Variants in CACNG5 observed in about 807,000 individuals in gnomAD.
The protein encoded by CACNG5 is calcium voltage-gated channel auxiliary subunit gamma 5.
CACNG5 carries 18 observed loss-of-function variants against 24.8 expected under a neutral mutation model. The ratio of observed to expected loss-of-function variants is 0.73; its 90% CI spans 0.50 to 1.08. The LOEUF is 1.08. Among genes scored for constraint, CACNG5 ranks in the 50% least tolerant of loss-of-function variants. The pLI is 0.00. For synonymous variants in CACNG5, 157 were observed against 149.1 expected (o/e 1.05, Z -0.39); for missense variants, 349 against 367.9 (o/e 0.95, Z 0.42).
In CACNG5 at chr17:66,877,346, G is replaced by T; in HGVS notation, c.14G>T (p.Gly5Val). The T allele has an allele frequency of 6.2e-7, 1 of 1,613,936 alleles. No individual in the cohort carries two copies. The highest frequency in any genetic ancestry group is 2.2e-5 in the East Asian group (1 of 44,882). Residue 5 changes from glycine (G) to valine (V), a missense_variant, in exon 2 of 6, where the codon GGG (glycine) becomes GTG (valine). Coordinates refer to ENST00000533854, the MANE Select transcript of CACNG5 (RefSeq NM_145811.3). ...CGGTCCAGGAAGATGAGTGCCTGCG[G>T]GAGGAAGGCCCTGACCCTGCTGAGC... MSAC[G>V]RKALTLLSSV...
intron 1 of CACNG5, among the ~76,000 whole-genome samples, chr17:66,861,788 G>A (rs1976863324): frequency 1.3e-5 from 2 of 152,336 alleles, no homozygotes; most frequent in Middle Eastern, 3.4e-3. Flanking sequence ...AGCTGCCAGA[G>A]GTGGTGGCCC....
rs1444597615 is a variant in CACNG5 at position 66,886,378 on chromosome 17, G to A, written c.*1138G>A. Among the ~76,000 whole-genome samples the A allele has an allele frequency of 6.6e-6, 1 of 152,102 alleles. No individual in the cohort carries two copies. Among genetic ancestry groups the A allele is most frequent in the East Asian group, 1.9e-4 (1 of 5,186 alleles). ...AGGAGTGTCTGCTTCCTGGGTGTAG[G>A]ACAGATGTGGGCAAATCAGATTTTT... On this transcript the variant is annotated 3_prime_UTR_variant, in exon 6 of 6. Coordinates refer to ENST00000533854, the MANE Select transcript of CACNG5 (RefSeq NM_145811.3).
intron 1 of CACNG5, among the ~76,000 whole-genome samples, chr17:66,838,985 A>T (rs1176964113): frequency 1.6e-4 from 12 of 77,354 alleles, no homozygotes; most frequent in Non-Finnish European, 2.8e-4. Context: ...TTTTTGAGAC[A>T]GAGTCTCACT....
Position 66,894,014 on chromosome 17 carries a change from G to A in CACNG5, c.*8774G>A, listed in dbSNP as rs1977378721. Among the ~76,000 whole-genome samples, 1 of 152,178 alleles carries A rather than the reference G, an allele frequency of 6.6e-6. No individual in the cohort carries two copies. The highest frequency in any genetic ancestry group is 6.5e-5 in the Admixed American group (1 of 15,280). On this transcript the variant is annotated 3_prime_UTR_variant, in exon 6 of 6. Transcript: ENST00000533854. ...CAATGGGGAGGGGATGGCAGTGGCTGCCAGGCTAGAAATCCAAAGTCCAGC... is the reference window on the plus strand; with the variant it reads ...CAATGGGGAGGGGATGGCAGTGGCTACCAGGCTAGAAATCCAAAGTCCAGC...
At chr17:66,844,438 A>G (rs1304349386) in intron 1 of CACNG5, among the ~76,000 whole-genome samples, 3 of 152,182 alleles carry the variant, frequency 2.0e-5, no homozygotes, top group Non-Finnish European at 4.4e-5. Context: ...CAGCTACTAT[A>G]TAAGGTTGAC....
In CACNG5 at chr17:66,893,377, C is replaced by T. The variant is rs1326254839; in HGVS notation, c.*8137C>T. On this transcript the variant is annotated 3_prime_UTR_variant, in exon 6 of 6. Coordinates refer to ENST00000533854, the MANE Select transcript of CACNG5 (RefSeq NM_145811.3). ...CCTGACTCCTTCTCTCCCATCTCTACTCATGATGCCAACCAATGTTGGAAA... is the reference window on the plus strand; with the variant it reads ...CCTGACTCCTTCTCTCCCATCTCTATTCATGATGCCAACCAATGTTGGAAA... 6.6e-6 allele frequency among the ~76,000 whole-genome samples: 1 copy of T among 152,224 alleles called. No homozygotes were observed. The highest frequency in any genetic ancestry group is 2.4e-5 in the African/African-American group (1 of 41,470).
chr17:66,857,402 T>A (rs1220666765), intron 1 of CACNG5, among the ~76,000 whole-genome samples: 1 of 152,170 alleles, frequency 6.6e-6, no homozygotes, highest in Non-Finnish European at 1.5e-5. Flanking sequence ...AATAGGAATG[T>A]AATGCAAGCC....
At position 66,885,382 on chromosome 17, in the gene CACNG5, C is replaced by A. The variant is rs928595948; in HGVS notation, c.*142C>A. ...TGTTGTCACTTGACCCCAGTCCTCT[C>A]CCTGCTTCTCCAGAAGGGCTCTAAC... is the stretch of plus-strand genomic sequence containing the variant. On this transcript the variant is annotated 3_prime_UTR_variant, in exon 6 of 6. Coordinates refer to ENST00000533854, the MANE Select transcript of CACNG5 (RefSeq NM_145811.3). The A allele has an allele frequency of 1.0e-6, 1 of 992,574 alleles. No homozygotes were observed. Among genetic ancestry groups the A allele is most frequent in the Admixed American group, 2.7e-5 (1 of 37,614 alleles). 61.5% of individuals were successfully genotyped at this position (992,574 alleles called of 1,614,324 possible). A position where few individuals can be genotyped will look rare whatever the true frequency, so the allele number is the denominator to read the frequency against.
intron 1 of CACNG5, among the ~76,000 whole-genome samples, chr17:66,858,397 T>C (rs1319766423): frequency 6.6e-6 from 1 of 152,182 alleles, no homozygotes; most frequent in South Asian, 2.1e-4. Flanking sequence ...TCCTGTATTA[T>C]TGATGAGGCT....
intron 1 of CACNG5, among the ~76,000 whole-genome samples, chr17:66,845,809 TCACA>T (rs1976632743): frequency 6.6e-6 from 1 of 152,204 alleles, no homozygotes; most frequent in African/African-American, 2.4e-5. Context: ...CCAGTGCTAA[TCACA>T]GACCTCCATG....
intron 1 of CACNG5, among the ~76,000 whole-genome samples, chr17:66,875,571 A>G (rs1282340449): frequency 6.6e-6 from 1 of 152,030 alleles, no homozygotes; most frequent in Non-Finnish European, 1.5e-5. Context: ...CCTACAGTCA[A>G]CTCAGACTCT....
intron 1 of CACNG5, among the ~76,000 whole-genome samples, chr17:66,867,414 G>T (rs1976945459): frequency 6.6e-6 from 1 of 152,118 alleles, no homozygotes; most frequent in South Asian, 2.1e-4. Context: ...CTCCCATTCT[G>T]TTGGCTGTCT....
chr17:66,862,548 A>C (rs1976878919), intron 1 of CACNG5, among the ~76,000 whole-genome samples: 1 of 152,078 alleles, frequency 6.6e-6, no homozygotes, highest in Non-Finnish European at 1.5e-5. Context: ...TTACTTTTTT[A>C]CCCAAGAATA....
At chr17:66,847,986 G>A (rs1008449682) in intron 1 of CACNG5, among the ~76,000 whole-genome samples, 1 of 152,210 alleles carries the variant, frequency 6.6e-6, no homozygotes, top group East Asian at 1.9e-4. Context: ...GGGTCAGGTG[G>A]GCCCCCACTG....
chr17:66,869,547 G>T (rs983963638), intron 1 of CACNG5, among the ~76,000 whole-genome samples: 2 of 152,130 alleles, frequency 1.3e-5, no homozygotes, highest in Non-Finnish European at 2.9e-5. Context: ...ACTGGCCCAG[G>T]ATGGTACATG....
chr17:66,850,025 C>T (rs752329884), intron 1 of CACNG5, among the ~76,000 whole-genome samples: 3 of 152,230 alleles, frequency 2.0e-5, no homozygotes, highest in Admixed American at 6.5e-5. Context: ...AACTGCCAGT[C>T]AATCCAGCCT....
At chr17:66,837,809 T>C (rs2144493262) in intron 1 of CACNG5, among the ~76,000 whole-genome samples, 1 of 152,038 alleles carries the variant, frequency 6.6e-6, no homozygotes, top group South Asian at 2.1e-4. Context: ...GCCAGCCTCA[T>C]AGTTCTGCAG....
chr17:66,841,038 C>G lies in CACNG5; in HGVS notation c.-104+5788C>G, dbSNP rs150567002. On this transcript the variant is annotated intron_variant, in intron 1 of 5. Coordinates refer to ENST00000533854, the MANE Select transcript of CACNG5 (RefSeq NM_145811.3). ...AGTTAATTTAGGAAGTTGATTTTGC[C>G]AAGGATGAGGACGTGTGCCAGTGAC... 4.9e-3 allele frequency among the ~76,000 whole-genome samples: 745 copies of G among 152,214 alleles called. 4 individuals carry two copies. The highest frequency in any genetic ancestry group is 0.016 in the African/African-American group (667 of 41,546).
chr17:66,846,181 C>T lies in CACNG5; in HGVS notation c.-104+10931C>T, dbSNP rs149854084. Among the ~76,000 whole-genome samples the T allele has an allele frequency of 7.9e-3, 1,200 of 152,234 alleles. 14 individuals are homozygous for T. Among genetic ancestry groups the T allele is most frequent in the African/African-American group, 0.027 (1,126 of 41,556 alleles). Reference sequence around the variant, plus strand: ...CACTTTGGGTATGCGTTTTTTAAATCGTGGTGAATCATATTCTTTGATATA... The same window carrying T: ...CACTTTGGGTATGCGTTTTTTAAATTGTGGTGAATCATATTCTTTGATATA... On this transcript the variant is annotated intron_variant, in intron 1 of 5. Transcript: ENST00000533854.
Sources: gnomAD v4.1 joint callset for allele counts (sites outside exome capture counted in the v4.1 genomes callset) on GRCh38, gnomAD v4.1.1 for gene constraint, MANE v1.5 for transcripts, NCBI Gene and HGNC (gene_info 2026-07-23, HGNC 2026-07-21) for gene names.